MAP3K19: variants seen among roughly 807,000 people sequenced by gnomAD.
MAP3K19 encodes the protein SPS1/STE20-related protein kinase YSK4.
In MAP3K19, 91 loss-of-function variants were observed where a neutral mutation model predicts 114.4. That is an observed-to-expected ratio of 0.80 (90% confidence interval 0.67 to 0.95). MAP3K19 has a LOEUF of 0.95. Ranked by LOEUF, MAP3K19 falls within the 40% of genes least tolerant of loss-of-function variation. The probability of loss-of-function intolerance (pLI) is 0.00; values close to 1 mark genes in which losing one functional copy is unlikely to be tolerated. For synonymous variants in MAP3K19, 518 were observed against 530.5 expected (o/e 0.98, Z 0.32); for missense variants, 1,471 against 1,573.2 (o/e 0.94, Z 1.10).
Position 134,986,865 on chromosome 2 carries a change from A to G in MAP3K19, c.2007T>C (p.Pro669=), listed in dbSNP as rs1685167126. 1.2e-6 allele frequency: 2 copies of G among 1,614,072 alleles called. No homozygotes were observed. The highest frequency in any genetic ancestry group is 2.7e-5 in the African/African-American group (2 of 74,928). ...CAGTCTCTCGCACATGACAATAAAC[A>G]GGGGTCCCAAACATTTCATAGATTC... ...GPGIYEMFGT[P]VYCHVRETER... Residue 669 remains proline, a synonymous_variant, in exon 10 of 13, where the codon CCT becomes CCC. Coordinates refer to ENST00000392915, the MANE Select transcript of MAP3K19 (RefSeq NM_025052.5).
intron 3 of MAP3K19, among the ~76,000 whole-genome samples, chr2:135,028,573 A>T (rs1206532916): frequency 2.0e-5 from 3 of 151,632 alleles, no homozygotes; most frequent in Non-Finnish European, 4.4e-5. Context: ...AAAAAAAAAA[A>T]ATTTAAAAAA....
At chr2:134,996,701 A>G (rs1045312978) in intron 8 of MAP3K19, among the ~76,000 whole-genome samples, 1 of 152,184 alleles carries the variant, frequency 6.6e-6, no homozygotes, top group Non-Finnish European at 1.5e-5. Flanking sequence ...GCTAAAGTTT[A>G]TCATGCTGCG....
At chr2:135,036,614 A>G (rs1434959933) in intron 2 of MAP3K19, among the ~76,000 whole-genome samples, 1 of 151,152 alleles carries the variant, frequency 6.6e-6, no homozygotes, top group Non-Finnish European at 1.5e-5. Context: ...ACAAGTGGAA[A>G]TATTTAGTTG....
In MAP3K19 at chr2:135,044,854, T is replaced by C. The variant is rs569716771; in HGVS notation, c.-424+2331A>G. Among the ~76,000 whole-genome samples, 11 of 152,356 alleles carry C rather than the reference T, an allele frequency of 7.2e-5. No homozygotes were observed. The East Asian group carries it at 2.1e-3, about 29-fold the overall frequency. On this transcript the variant is annotated intron_variant, in intron 1 of 12. Transcript: ENST00000392915. ...AATAAGTGTATATCCTTATAAGGCA[T>C]GTAGTGCTGTTATATTACATTGGTT... is the stretch of plus-strand genomic sequence containing the variant.
At position 134,987,401 on chromosome 2, in the gene MAP3K19, C is replaced by T. The variant is rs753015901; in HGVS notation, c.1471G>A (p.Val491Met). 6.2e-7 allele frequency: 1 copy of T among 1,614,140 alleles called. No homozygotes were observed. The highest frequency in any genetic ancestry group is 8.5e-7 in the Non-Finnish European group (1 of 1,180,026). The change falls in exon 10 of 13, where the codon GTG (valine) becomes ATG (methionine). Residue 491 changes from valine to methionine, a missense_variant. Val to Met is a conservative substitution (Grantham distance 21). Transcript: ENST00000392915. Reference protein sequence around the residue: ...MVPLIHITFPVDGSPKEPVIA... With the variant: ...MVPLIHITFPMDGSPKEPVIA... ...ACTGGTTCCTTGGGGCTTCCATCCACAGGGAAGGTGATGTGGATAAGAGGC... is the reference window on the plus strand; with the variant it reads ...ACTGGTTCCTTGGGGCTTCCATCCATAGGGAAGGTGATGTGGATAAGAGGC...
intron 11 of MAP3K19, among the ~76,000 whole-genome samples, chr2:134,982,376 G>A (rs1684766695): frequency 6.8e-6 from 1 of 146,378 alleles, no homozygotes; most frequent in Admixed American, 6.9e-5. Flanking sequence ...TTTGGAGACA[G>A]GGTCTCGCTC....
rs556465227 is a variant in MAP3K19 at position 135,019,465 on chromosome 2, G to A, written c.138+2250C>T. On this transcript the variant is annotated intron_variant, in intron 5 of 12. Coordinates refer to ENST00000392915, the MANE Select transcript of MAP3K19 (RefSeq NM_025052.5). The stretch of plus-strand genomic sequence containing the variant: ...ACTACTTTAGGAGGCCGAGGCAGGA[G>A]GATTGCTTGAGGCTAGGAGTTCAAA... Among the ~76,000 whole-genome samples the A allele has an allele frequency of 2.5e-3, 388 of 152,238 alleles. 1 individual carries two copies. The highest frequency in any genetic ancestry group is 9.0e-3 in the African/African-American group (374 of 41,548).
intron 6 of MAP3K19, among the ~76,000 whole-genome samples, chr2:135,004,154 G>C (rs1010683114): frequency 7.9e-5 from 12 of 152,196 alleles, no homozygotes; most frequent in African/African-American, 2.9e-4. Flanking sequence ...CAAATGGTGA[G>C]TTATCTCCAT....
chr2:135,040,004 C>T lies in MAP3K19; in HGVS notation c.-284+359G>A, dbSNP rs945567261. ...CCCTGTTTCCCTACTTCCAGGTTTACGTGCATTTGTTAGAGCAAAGCATAA... is the reference window on the plus strand; with the variant it reads ...CCCTGTTTCCCTACTTCCAGGTTTATGTGCATTTGTTAGAGCAAAGCATAA... On this transcript the variant is annotated intron_variant, in intron 2 of 12. Coordinates refer to ENST00000392915, the MANE Select transcript of MAP3K19 (RefSeq NM_025052.5). Among the ~76,000 whole-genome samples, 11 of 152,158 alleles carry T rather than the reference C, an allele frequency of 7.2e-5. No homozygotes were observed. In the South Asian group the frequency reaches 1.0e-3, roughly 14 times the overall value.
chr2:134,983,761 T>C lies in MAP3K19; in HGVS notation c.3137A>G (p.Lys1046Arg). 2 of 1,606,786 alleles carry C rather than the reference T, an allele frequency of 1.2e-6. No individual in the cohort carries two copies. Among genetic ancestry groups the C allele is most frequent in the African/African-American group, 1.3e-5 (1 of 74,682 alleles). Reference sequence around the variant, plus strand: ...CTTTAAACTATTTTCAGAAAATATCTTCTTTTCATTTGAGATGAGAAATTT... The same window carrying C: ...CTTTAAACTATTTTCAGAAAATATCCTCTTTTCATTTGAGATGAGAAATTT... ...EEKFLISNEK[K>R]IFSENSLKSE... The change falls in exon 11 of 13, where the codon AAG (lysine) becomes AGG (arginine). Residue 1046 changes from lysine to arginine, a missense_variant. Physicochemically the swap from Lys to Arg is conservative, Grantham distance 26 (BLOSUM62 2). Transcript: ENST00000392915.
Position 134,968,313 on chromosome 2 carries a change from C to T in MAP3K19, c.3921-3397G>A, listed in dbSNP as rs1488812329. 2.0e-5 allele frequency among the ~76,000 whole-genome samples: 3 copies of T among 152,070 alleles called. No individual in the cohort carries two copies. The East Asian group carries it at 5.8e-4, about 29-fold the overall frequency. ...TTTCTCAGTCTTTTCCCCACCTTTC[C>T]CCCGTTTCTATTCCACAAAACCGCC... On this transcript the variant is annotated intron_variant, in intron 12 of 12. Transcript: ENST00000392915.
At position 134,981,173 on chromosome 2, in the gene MAP3K19, T is replaced by A; in HGVS notation, c.3568A>T (p.Asn1190Tyr). ...CCAGTTGGCATGAGCATAACATTAT[T>A]TCCTTTGATATCGCGATGTACCACA... ...NCVVHRDIKG[N>Y]NVMLMPTGII... Residue 1190 changes from asparagine (N) to tyrosine (Y), a missense_variant, in exon 12 of 13, where the codon AAT becomes TAT. Physicochemically the swap from Asn to Tyr is moderately radical, Grantham distance 143 (BLOSUM62 -2). Coordinates refer to ENST00000392915, the MANE Select transcript of MAP3K19 (RefSeq NM_025052.5). 1 of 1,614,144 alleles carries A rather than the reference T, an allele frequency of 6.2e-7. No homozygotes were observed. The highest frequency in any genetic ancestry group is 8.5e-7 in the Non-Finnish European group (1 of 1,180,046).
intron 2 of MAP3K19, among the ~76,000 whole-genome samples, chr2:135,032,133 T>C (rs539466421): frequency 1.1e-4 from 17 of 151,916 alleles, no homozygotes; most frequent in Admixed American, 3.3e-4. Flanking sequence ...CCAAGGTGGG[T>C]GGATCATGAG....
At chr2:135,027,919 G>A (rs968134305) in intron 3 of MAP3K19, among the ~76,000 whole-genome samples, 12 of 152,194 alleles carry the variant, frequency 7.9e-5, no homozygotes, top group African/African-American at 2.7e-4. Flanking sequence ...CTGACAGGTT[G>A]TATCAGGGAC....
Position 134,987,019 on chromosome 2 carries a change from C to G in MAP3K19, c.1853G>C (p.Cys618Ser). 6.2e-7 allele frequency: 1 copy of G among 1,613,316 alleles called. No individual in the cohort carries two copies. The highest frequency in any genetic ancestry group is 8.5e-7 in the Non-Finnish European group (1 of 1,180,032). ...KPKKQSFPCI[C>S]KNPGTQKSCV... is the part of the protein sequence containing the mutation. ...TGACTTCTGTGTTCCTGGATTTTTA[C>G]AGATGCAAGGAAATGATTGCTTTTT... Residue 618 changes from cysteine (C) to serine (S), a missense_variant, in exon 10 of 13, where the codon TGT becomes TCT. Physicochemically the swap from Cys to Ser is moderately radical, Grantham distance 112. Coordinates refer to ENST00000392915, the MANE Select transcript of MAP3K19 (RefSeq NM_025052.5).
At chr2:135,008,900 T>G (rs1687019244) in intron 5 of MAP3K19, among the ~76,000 whole-genome samples, 1 of 152,102 alleles carries the variant, frequency 6.6e-6, no homozygotes, top group African/African-American at 2.4e-5. Flanking sequence ...CACCTCAGCC[T>G]CCTGAGTAGC....
At chr2:135,009,493 T>A (rs1399302020) in intron 5 of MAP3K19, among the ~76,000 whole-genome samples, 1 of 152,170 alleles carries the variant, frequency 6.6e-6, no homozygotes, top group Non-Finnish European at 1.5e-5. Flanking sequence ...ATTACAGTGA[T>A]TCAGTGAAAT....
At chr2:135,017,115 C>A (rs1687626790) in intron 5 of MAP3K19, among the ~76,000 whole-genome samples, 2 of 152,060 alleles carry the variant, frequency 1.3e-5, no homozygotes, top group African/African-American at 2.4e-5. Context: ...TACCTGATAA[C>A]CCTTGGCTAT....
Position 134,991,536 on chromosome 2 carries a change from C to A in MAP3K19, c.618+1G>T, listed in dbSNP as rs574028332. Reference sequence around the variant, plus strand: ...GTCAAAAATGCTAGCACTAATCTTACCTTGATGCTTCGGCCACTGTACTTC... The same window carrying A: ...GTCAAAAATGCTAGCACTAATCTTAACTTGATGCTTCGGCCACTGTACTTC... On this transcript the variant is annotated splice_donor_variant, in intron 9 of 12. Transcript: ENST00000392915. LOFTEE classifies it high-confidence loss of function. The A allele has an allele frequency of 1.4e-5, 23 of 1,607,672 alleles. No individual in the cohort carries two copies. The East Asian group carries it at 5.2e-4, about 36-fold the overall frequency.
Sources: allele counts gnomAD v4.1 joint callset (sites outside exome capture counted in the v4.1 genomes callset), GRCh38; gene constraint gnomAD v4.1.1; transcripts MANE v1.5; gene names NCBI Gene and HGNC (gene_info 2026-07-23, HGNC 2026-07-21).